Variants in LONP2 observed in about 807,000 individuals in gnomAD.
The protein encoded by LONP2 is lon peptidase 2, peroxisomal.
LONP2 carries 60 observed loss-of-function variants against 85.6 expected under a neutral mutation model. The ratio of observed to expected loss-of-function variants is 0.70; its 90% confidence interval spans 0.57 to 0.87. LONP2 has a LOEUF of 0.87. LONP2 is among the 40% of genes least tolerant of loss of function. The pLI is 0.00. For synonymous variants in LONP2, 395 were observed against 389.7 expected, an observed-to-expected ratio of 1.01 and a Z score of -0.16; for missense variants, 860 against 1,063.5, an observed-to-expected ratio of 0.81 and a Z score of 2.66.
intron 11 of LONP2, among the ~76,000 whole-genome samples, chr16:48,325,997 C>T (rs867770530): frequency 6.6e-6 from 1 of 152,316 alleles, no homozygotes; most frequent in African/African-American, 2.4e-5. Context: ...TCTGTGAATG[C>T]TGTGGACTTA....
At chr16:48,255,662 C>T (rs1157253574) in intron 2 of LONP2, among the ~76,000 whole-genome samples, 2 of 151,868 alleles carry the variant, frequency 1.3e-5, no homozygotes, top group Non-Finnish European at 2.9e-5. Flanking sequence ...TGTCAGGGGG[C>T]GGTGCCAGGT....
At position 48,353,408 on chromosome 16, in the gene LONP2, T is replaced by TGGGAGGATGA. The variant is rs1567357782; in HGVS notation, c.*1613_*1622dup. ...GTAGTCCAGCTACTTGAGGCTGAGA[T>TGGGAGGATGA]GGGAGGATGAGGGAGGTCGGGGCTG... On this transcript the variant is annotated 3_prime_UTR_variant, in exon 15 of 15. Coordinates refer to ENST00000285737, the MANE Select transcript of LONP2 (RefSeq NM_031490.5). 1 of 143,822 alleles carries TGGGAGGATGA rather than the reference T, an allele frequency of 7.0e-6. No homozygotes were observed. The highest frequency in any genetic ancestry group is 2.1e-4 in the East Asian group (1 of 4,864). The allele number at this position is 143,822 out of a possible 1,614,324, so 8.9% of individuals were successfully genotyped here.
downstream of LONP2, chr16:48,362,145 A>C (rs1373916024): frequency 6.2e-7 from 1 of 1,614,210 alleles, no homozygotes; most frequent in Non-Finnish European, 8.5e-7. This position sits in a 1 kb window ranked among gnomAD's most constrained non-coding sequence, Gnocchi z 4.2. Flanking sequence ...ACAGGGGAAA[A>C]GTACTGAATT....
rs753263197 is a variant in LONP2 at position 48,362,440 on chromosome 16, A to G, written c.*577A>G. The G allele has an allele frequency of 1.2e-6, 2 of 1,613,522 alleles. No individual in the cohort carries two copies. Among genetic ancestry groups the G allele is most frequent in the Admixed American group, 3.3e-5 (2 of 59,998 alleles). On this transcript the variant is annotated 3_prime_UTR_variant, in exon 5 of 5. Transcript: ENST00000565867. This position sits in a 1 kb window ranked among gnomAD's most constrained non-coding sequence, Gnocchi z 4.2. The stretch of plus-strand genomic sequence containing the variant: ...GTCTGACGGCTCATTTCTGAAATAA[A>G]TACATAAGGAGGCAGGAGAAAAATA...
chr16:48,308,155 G>A (rs965442800), intron 11 of LONP2, among the ~76,000 whole-genome samples: 1 of 152,066 alleles, frequency 6.6e-6, no homozygotes, highest in African/African-American at 2.4e-5. Flanking sequence ...TAGATCAATG[G>A]AACAGAATGC....
chr16:48,316,236 A>G (rs1005517160), intron 11 of LONP2, among the ~76,000 whole-genome samples: 5 of 149,354 alleles, frequency 3.3e-5, no homozygotes, highest in Non-Finnish European at 5.9e-5. Flanking sequence ...CGAACTCCTT[A>G]CCTTAGGTGA....
rs757828832 is a variant in LONP2, at chr16:48,258,649, T to A, written c.632T>A (p.Phe211Tyr). The A allele has an allele frequency of 6.2e-7, 1 of 1,608,482 alleles. No homozygotes were observed. Among genetic ancestry groups the A allele is most frequent in the South Asian group, 1.1e-5 (1 of 89,932 alleles). ...ILDAVSLEER[F>Y]KMTIPLLVRQ... Reference sequence around the variant, plus strand: ...GATGCTGTGAGCCTAGAGGAGCGGTTCAAGATGACTATACCACTGCTTGTC... The same window carrying A: ...GATGCTGTGAGCCTAGAGGAGCGGTACAAGATGACTATACCACTGCTTGTC... Residue 211 changes from phenylalanine to tyrosine, a missense_variant, in exon 4 of 15, where the codon TTC becomes TAC. Phe to Tyr is a conservative substitution (Grantham distance 22). Transcript: ENST00000285737.
chr16:48,285,325 C>T (rs867072022), intron 8 of LONP2, among the ~76,000 whole-genome samples: 9 of 152,064 alleles, frequency 5.9e-5, no homozygotes, highest in Non-Finnish European at 1.0e-4. Context: ...GTGTGATCCT[C>T]TGAGTTTACT....
intron 8 of LONP2, among the ~76,000 whole-genome samples, chr16:48,293,786 A>G (rs1275476895): frequency 2.0e-5 from 3 of 152,190 alleles, no homozygotes; most frequent in Non-Finnish European, 4.4e-5. Context: ...TTACAAAGAC[A>G]GAGGGAAGGC....
chr16:48,330,479 T>C (rs536962548), intron 11 of LONP2, among the ~76,000 whole-genome samples: 1 of 152,348 alleles, frequency 6.6e-6, no homozygotes, highest in East Asian at 1.9e-4. Flanking sequence ...ACAGAGAACA[T>C]GGTACTAGGG....
In LONP2 at chr16:48,299,799, C is replaced by T. The variant is rs763102755; in HGVS notation, c.1661+11C>T. 5.0e-6 allele frequency: 8 copies of T among 1,606,370 alleles called. No individual in the cohort carries two copies. The highest frequency in any genetic ancestry group is 6.8e-6 in the Non-Finnish European group (8 of 1,177,534). On this transcript the variant is annotated intron_variant, in intron 10 of 14. Coordinates refer to ENST00000285737, the MANE Select transcript of LONP2 (RefSeq NM_031490.5). ...TGACATCATCACCAGGTTAGTTAGC[C>T]ATCCTGAGGCTTCATTAACTCCAGG...
intron 11 of LONP2, among the ~76,000 whole-genome samples, chr16:48,331,566 C>CTT (rs1022632125): frequency 0.011 from 1,585 of 139,878 alleles, 34 homozygotes; most frequent in African/African-American, 0.039. Context: ...AAAGGATTTT[C>CTT]TTTTTTTTTT....
In LONP2 at chr16:48,244,339, GCTGT is replaced by G. The variant is rs1435641512; in HGVS notation, c.-42_-39del. ...GTGACTGCGGGGCAGGCCGGGGGCA[GCTGT>G]CTGTCTGGCTCTTTTTGACAGCCCC... On this transcript the variant is annotated 5_prime_UTR_variant, in exon 1 of 15. Transcript: ENST00000285737. 12 of 1,363,846 alleles carry G rather than the reference GCTGT, an allele frequency of 8.8e-6. No individual in the cohort carries two copies. Among genetic ancestry groups the G allele is most frequent in the South Asian group, 5.7e-5 (4 of 70,292 alleles). The allele number at this position is 1,363,846 out of a possible 1,614,324, so 84.5% of individuals were successfully genotyped here.
At chr16:48,302,777 G>A (rs955160696) in intron 10 of LONP2, among the ~76,000 whole-genome samples, 12 of 152,148 alleles carry the variant, frequency 7.9e-5, no homozygotes, top group Admixed American at 2.0e-4. Context: ...TCTTTCAGTA[G>A]TATTTCAAAT....
intron 12 of LONP2, among the ~76,000 whole-genome samples, chr16:48,342,539 G>T (rs1959846104): frequency 6.6e-6 from 1 of 152,234 alleles, no homozygotes. Context: ...CCAAGAAAAG[G>T]CCCTACTGGA....
chr16:48,286,599 G>C (rs1419395059), intron 8 of LONP2, among the ~76,000 whole-genome samples: 1 of 151,912 alleles, frequency 6.6e-6, no homozygotes, highest in East Asian at 1.9e-4. Context: ...ACCTTACCCA[G>C]GCTCAAGTGA....
intron 11 of LONP2, among the ~76,000 whole-genome samples, chr16:48,321,215 A>G (rs993167392): frequency 3.3e-5 from 5 of 152,216 alleles, no homozygotes; most frequent in African/African-American, 7.2e-5. Context: ...ATTGTTATAC[A>G]TTATCAAAAC....
At chr16:48,262,916 C>G in intron 6 of LONP2, 44 bp downstream of exon 6, 1 of 1,206,682 alleles carries the variant, frequency 8.3e-7, no homozygotes, top group Non-Finnish European at 1.2e-6. Context: ...AATTGTCACT[C>G]AGAAAGCTCA....
intron 1 of LONP2, among the ~76,000 whole-genome samples, chr16:48,250,499 A>C (rs1971613789): frequency 6.6e-6 from 1 of 151,986 alleles, no homozygotes; most frequent in Non-Finnish European, 1.5e-5. Context: ...AAAACAAAAA[A>C]CAAAAAACAA....
Sources: gnomAD v4.1 joint callset for allele counts (sites outside exome capture counted in the v4.1 genomes callset) on GRCh38, gnomAD v4.1.1 for gene constraint, Gnocchi (gnomAD v3.1) non-coding constraint, MANE v1.5 for transcripts, NCBI Gene and HGNC (gene_info 2026-07-23, HGNC 2026-07-21) for gene names.